Variants in FLI1 observed in about 807,000 individuals in gnomAD.
FLI1 encodes Friend leukemia integration 1 transcription factor.
Under a neutral mutation model 53.1 loss-of-function variants are expected in FLI1, and 13 were observed. The ratio of observed to expected loss-of-function variants is 0.24; its 90% CI spans 0.16 to 0.39. The LOEUF is 0.39. FLI1 is among the 10% of genes least tolerant of loss of function. FLI1 has a pLI of 1.00. For synonymous variants in FLI1, 244 were observed against 236.7 expected, an observed-to-expected ratio of 1.03 and a Z score of -0.28; for missense variants, 424 against 600.5, an observed-to-expected ratio of 0.71 and a Z score of 3.07.
intron 5 of FLI1, chr11:128,804,705 A>G (rs1942730612): frequency 6.6e-6 from 1 of 151,846 alleles, no homozygotes; most frequent in South Asian, 2.1e-4. Context: ...AAAGCCCGAG[A>G]GCCCTCAGAG....
intron 1 of FLI1, among the ~76,000 whole-genome samples, chr11:128,738,141 C>T (rs541824846): frequency 3.3e-5 from 5 of 152,258 alleles, no homozygotes; most frequent in Non-Finnish European, 5.9e-5. Flanking sequence ...CTCCCCTTAA[C>T]GTCACCCTGC....
chr11:128,711,566 G>T (rs772026267), intron 1 of FLI1, among the ~76,000 whole-genome samples: 1 of 152,206 alleles, frequency 6.6e-6, no homozygotes, highest in Non-Finnish European at 1.5e-5. Flanking sequence ...AATCATGATC[G>T]AATGTTTATT....
chr11:128,735,609 C>T (rs759184437), intron 1 of FLI1, among the ~76,000 whole-genome samples: 9 of 152,086 alleles, frequency 5.9e-5, no homozygotes, highest in Non-Finnish European at 1.2e-4. Flanking sequence ...TCACATTATC[C>T]ACATTATCAG....
chr11:128,709,108 G>T (rs1297005772), intron 1 of FLI1, among the ~76,000 whole-genome samples: 1 of 152,170 alleles, frequency 6.6e-6, no homozygotes, highest in Non-Finnish European at 1.5e-5. Flanking sequence ...CTTATTAATT[G>T]TGTGGTCTTC....
chr11:128,747,722 T>C (rs1156316944), intron 1 of FLI1, among the ~76,000 whole-genome samples: 1 of 152,196 alleles, frequency 6.6e-6, no homozygotes, highest in Non-Finnish European at 1.5e-5. Context: ...GTGTGAAGAA[T>C]TACACCCAGT....
chr11:128,688,563 GGCCCAGGC>G (rs1396053151), intron 1 of FLI1, among the ~76,000 whole-genome samples: 1 of 152,166 alleles, frequency 6.6e-6, no homozygotes, highest in Non-Finnish European at 1.5e-5. Flanking sequence ...AAACACCGCA[GGCCCAGGC>G]GCCCAGGCCC....
intron 5 of FLI1, among the ~76,000 whole-genome samples, chr11:128,800,088 C>T (rs944963140): frequency 2.0e-5 from 3 of 152,140 alleles, no homozygotes; most frequent in African/African-American, 7.2e-5. Flanking sequence ...GGTCTCAGGT[C>T]TGCCATTGAT....
chr11:128,810,581 G>A lies in FLI1; in HGVS notation c.952G>A (p.Ala318Thr). The A allele has an allele frequency of 1.2e-6, 2 of 1,613,680 alleles. No homozygotes were observed. Among genetic ancestry groups the A allele is most frequent in the Non-Finnish European group, 8.5e-7 (1 of 1,179,832 alleles). ...CAAAATGACGGACCCCGATGAGGTG[G>A]CCAGGCGCTGGGGCGAGCGGAAAAG... The part of the protein sequence containing the change: ...EFKMTDPDEV[A>T]RRWGERKSKP... Residue 318 changes from alanine to threonine, a missense_variant, in exon 9 of 9, where the codon GCC (alanine) becomes ACC (threonine). This residue lies in a region of FLI1 where 71 missense variants were observed against 174.2 expected (regional missense o/e 0.41). Transcript: ENST00000527786. The surrounding 1 kb of genome is among the most constrained non-coding windows in gnomAD (Gnocchi z 6.6).
At chr11:128,768,085 A>G (rs772074166) in intron 2 of FLI1, 33 bp from the exon 3 acceptor site, 2 of 1,572,774 alleles carry the variant, frequency 1.3e-6, no homozygotes, top group Non-Finnish European at 1.7e-6. Context: ...GTCAGTGCTG[A>G]CCGCCTCTGG....
intron 4 of FLI1, among the ~76,000 whole-genome samples, chr11:128,781,222 A>G (rs1941906036): frequency 1.3e-5 from 2 of 152,170 alleles, no homozygotes; most frequent in Non-Finnish European, 2.9e-5. Context: ...TTGGAATACT[A>G]CCACTCACCT....
In FLI1 at chr11:128,772,959, T is replaced by C; in HGVS notation, c.563T>C (p.Leu188Ser). 1 of 1,613,920 alleles carries C rather than the reference T, an allele frequency of 6.2e-7. No homozygotes were observed. The highest frequency in any genetic ancestry group is 1.3e-5 in the African/African-American group (1 of 75,060). ...ATTLYNTEVL[L>S]SHLSYLRESS... The stretch of plus-strand genomic sequence containing the variant: ...ACCCTCTACAACACGGAAGTGCTGT[T>C]GTCACACCTCAGTTACCTCAGGGAA... Residue 188 changes from leucine (L) to serine (S), a missense_variant, in exon 4 of 9, where the codon TTG becomes TCG. Physicochemically the swap from Leu to Ser is moderately radical, Grantham distance 145. Transcript: ENST00000527786.
intron 1 of FLI1, among the ~76,000 whole-genome samples, chr11:128,744,400 T>C (rs897472070): frequency 1.3e-5 from 2 of 152,232 alleles, no homozygotes; most frequent in African/African-American, 4.8e-5. Flanking sequence ...AAAGTGCCTT[T>C]TCTGTACTAT....
intron 5 of FLI1, among the ~76,000 whole-genome samples, chr11:128,802,931 C>A (rs3758770): frequency 6.6e-6 from 1 of 152,168 alleles, no homozygotes; most frequent in African/African-American, 2.4e-5. Context: ...AAGAAGTCAA[C>A]GATAACTATA....
chr11:128,687,717 A>G (rs1937604065), intron 1 of FLI1, among the ~76,000 whole-genome samples: 1 of 152,110 alleles, frequency 6.6e-6, no homozygotes, highest in Admixed American at 6.6e-5. Context: ...AGGATTGCCA[A>G]TTATGCGTCC....
chr11:128,688,792 G>A (rs1448737363), intron 1 of FLI1, among the ~76,000 whole-genome samples: 1 of 152,188 alleles, frequency 6.6e-6, no homozygotes, highest in Non-Finnish European at 1.5e-5. Flanking sequence ...ACACTGACAT[G>A]CAGTAGTTGA....
intron 4 of FLI1, among the ~76,000 whole-genome samples, chr11:128,777,234 GCTGGGAGCCCCGAGGC>G (rs959943581): frequency 1.3e-5 from 2 of 152,302 alleles, no homozygotes; most frequent in Admixed American, 6.5e-5. Flanking sequence ...TTTGCGCAAG[GCTGGGAGCCCCGAGGC>G]CCCGGGGGAG....
At chr11:128,732,578 AT>A (rs1939743745) in intron 1 of FLI1, among the ~76,000 whole-genome samples, 1 of 152,210 alleles carries the variant, frequency 6.6e-6, no homozygotes, top group Admixed American at 6.5e-5. Context: ...TGTGGTAGGT[AT>A]TATGAAGAAA....
intron 2 of FLI1, chr11:128,764,556 C>A: frequency 8.6e-7 from 1 of 1,162,610 alleles, no homozygotes; most frequent in Non-Finnish European, 1.2e-6. Flanking sequence ...AAGTGCAGGT[C>A]TTAATACAAA....
At chr11:128,790,545 A>G (rs1942241412) in intron 5 of FLI1, among the ~76,000 whole-genome samples, 1 of 152,094 alleles carries the variant, frequency 6.6e-6, no homozygotes, top group South Asian at 2.1e-4. Context: ...AAGTAAAAGG[A>G]CTGTTATTTC....
Sources: allele counts gnomAD v4.1 joint callset (sites outside exome capture counted in the v4.1 genomes callset), GRCh38; gene constraint gnomAD v4.1.1; regional missense constraint gnomAD v4.1.1; non-coding constraint Gnocchi (gnomAD v3.1); transcripts MANE v1.5; gene names NCBI Gene and HGNC (gene_info 2026-07-23, HGNC 2026-07-21).